TEX36: variants seen among roughly 807,000 people sequenced by gnomAD.
TEX36 encodes testis-expressed protein 36.
In TEX36, 12 loss-of-function variants were observed where a neutral mutation model predicts 13.6. That is an observed-to-expected ratio of 0.88 (90% CI 0.56 to 1.43). The LOEUF is 1.43. Ranked by LOEUF, TEX36 falls within the 40% of genes most tolerant of loss-of-function variation. The probability of loss-of-function intolerance (pLI) is 0.00; values close to 1 mark genes in which losing one functional copy is unlikely to be tolerated. For missense variants in TEX36, 224 were observed against 228.3 expected (o/e 0.98, Z 0.12); for synonymous variants, 93 against 83.0 (o/e 1.12, Z -0.65).
chr10:125,645,417 A>G (rs919959988), intron 3 of TEX36, among the ~76,000 whole-genome samples: 2 of 151,936 alleles, frequency 1.3e-5, no homozygotes, highest in African/African-American at 2.4e-5. Context: ...AGAAAGAAAG[A>G]CCTGAGAGAG....
chr10:125,638,786 G>A (rs1011546990), intron 3 of TEX36, among the ~76,000 whole-genome samples: 2 of 152,170 alleles, frequency 1.3e-5, no homozygotes, highest in Admixed American at 6.5e-5. Context: ...TCCTGGGCCC[G>A]TGTGCAGGTC....
At chr10:125,679,960 C>A (rs1847369888) in intron 1 of TEX36, among the ~76,000 whole-genome samples, 1 of 152,196 alleles carries the variant, frequency 6.6e-6, no homozygotes, top group African/African-American at 2.4e-5. Context: ...ATACAAACAC[C>A]TATGCCTGTG....
intron 3 of TEX36, among the ~76,000 whole-genome samples, chr10:125,614,458 A>G (rs1434930551): frequency 2.4e-4 from 36 of 150,584 alleles, no homozygotes; most frequent in African/African-American, 8.2e-4. Context: ...TGATTTTTGT[A>G]TAAGGTGTAA....
At chr10:125,643,586 C>T (rs1005202229) in intron 3 of TEX36, among the ~76,000 whole-genome samples, 1 of 151,896 alleles carries the variant, frequency 6.6e-6, no homozygotes, top group Non-Finnish European at 1.5e-5. Context: ...ACTAAAAATA[C>T]AAAAAATTAG....
intron 3 of TEX36, among the ~76,000 whole-genome samples, chr10:125,629,900 AC>A (rs941859455): frequency 1.4e-4 from 22 of 152,128 alleles, no homozygotes; most frequent in African/African-American, 4.8e-4. Flanking sequence ...TTTTTAAGTC[AC>A]TGTGAGATAC....
At chr10:125,631,853 G>A (rs865911134) in intron 3 of TEX36, among the ~76,000 whole-genome samples, 29 of 152,140 alleles carry the variant, frequency 1.9e-4, no homozygotes, top group Admixed American at 1.8e-3. Context: ...GGTACAGAGT[G>A]GTCAGGGGCC....
intron 3 of TEX36, among the ~76,000 whole-genome samples, chr10:125,593,424 C>T (rs1172686895): frequency 6.6e-6 from 1 of 152,204 alleles, no homozygotes; most frequent in Non-Finnish European, 1.5e-5. Flanking sequence ...CTGCCACTTG[C>T]TATGTGACTT....
chr10:125,577,267 CAGG>C (rs1174871017), intron 3 of TEX36, among the ~76,000 whole-genome samples: 1 of 152,086 alleles, frequency 6.6e-6, no homozygotes, highest in Non-Finnish European at 1.5e-5. Context: ...GTGGTGGAGG[CAGG>C]AGGATTGCTT....
At chr10:125,592,827 T>G (rs1846037579) in intron 3 of TEX36, among the ~76,000 whole-genome samples, 1 of 152,194 alleles carries the variant, frequency 6.6e-6, no homozygotes, top group Non-Finnish European at 1.5e-5. Context: ...TTACTTAGGC[T>G]CACCCATTTC....
At chr10:125,622,875 G>C (rs1228440036) in intron 3 of TEX36, among the ~76,000 whole-genome samples, 3 of 152,224 alleles carry the variant, frequency 2.0e-5, no homozygotes, top group Admixed American at 6.5e-5. Flanking sequence ...CCAGGTGGCA[G>C]TGTTAACTTC....
At chr10:125,640,861 C>T (rs1846679447) in intron 3 of TEX36, among the ~76,000 whole-genome samples, 1 of 152,040 alleles carries the variant, frequency 6.6e-6, no homozygotes, top group Non-Finnish European at 1.5e-5. Flanking sequence ...TTTTGTGGGT[C>T]TTAGGGTGTT....
At chr10:125,661,746 G>T in intron 2 of TEX36, 100 bp downstream of exon 2, 1 of 1,465,282 alleles carries the variant, frequency 6.8e-7, no homozygotes, top group Non-Finnish European at 9.2e-7. Context: ...TAAATGCGCA[G>T]TTTCTTACAA....
downstream of TEX36, among the ~76,000 whole-genome samples, chr10:125,652,229 C>T (rs1846871921): frequency 6.6e-6 from 1 of 152,112 alleles, no homozygotes; most frequent in Non-Finnish European, 1.5e-5. Flanking sequence ...CATCATGCTA[C>T]CTAACTTTGA....
At chr10:125,633,555 G>A (rs1387181696) in intron 3 of TEX36, among the ~76,000 whole-genome samples, 2 of 152,214 alleles carry the variant, frequency 1.3e-5, no homozygotes, top group Non-Finnish European at 2.9e-5. Flanking sequence ...CCAACACAAA[G>A]GTTCTGATAG....
downstream of TEX36, among the ~76,000 whole-genome samples, chr10:125,618,333 A>G (rs901152759): frequency 6.0e-5 from 9 of 150,464 alleles, no homozygotes; most frequent in East Asian, 1.9e-4. Context: ...CTGGTGAGGA[A>G]CTGCGTTCCT....
intron 3 of TEX36, among the ~76,000 whole-genome samples, chr10:125,584,939 A>G (rs554965429): frequency 2.0e-5 from 3 of 152,310 alleles, no homozygotes; most frequent in South Asian, 4.1e-4. Flanking sequence ...ATGTTTCTTC[A>G]TGTCATAGAT....
At chr10:125,674,741 T>C (rs9422933) in intron 1 of TEX36, among the ~76,000 whole-genome samples, 14,625 of 152,306 alleles carry the variant, frequency 0.096, 1,709 homozygotes, top group African/African-American at 0.28. Context: ...TGGGTCCCTC[T>C]GGCACCTGGA....
chr10:125,648,173 G>A (rs1223956927), intron 3 of TEX36, among the ~76,000 whole-genome samples: 1 of 152,246 alleles, frequency 6.6e-6, no homozygotes, highest in Admixed American at 6.5e-5. Context: ...CCAGCATGGG[G>A]TTTGAGATCT....
At chr10:125,583,276 C>T (rs117306102) in intron 3 of TEX36, among the ~76,000 whole-genome samples, 58 of 152,016 alleles carry the variant, frequency 3.8e-4, no homozygotes, top group Admixed American at 2.2e-3. Flanking sequence ...GACTGGGTAA[C>T]TTAAAAGCAA....
Sources: gnomAD v4.1 joint callset for allele counts (sites outside exome capture counted in the v4.1 genomes callset) on GRCh38, gnomAD v4.1.1 for gene constraint, MANE v1.5 for transcripts, NCBI Gene and HGNC (gene_info 2026-07-23, HGNC 2026-07-21) for gene names.